The following EIPR1 variants were observed in gnomAD, a reference collection of about 807,000 sequenced individuals.
EIPR1 encodes EARP complex and GARP complex interacting protein 1.
In EIPR1, 25 loss-of-function variants were observed where a neutral mutation model predicts 48.1. The observed-to-expected ratio is 0.52, with a 90% CI of 0.38 to 0.73. The LOEUF is 0.73. EIPR1 is among the 30% of genes least tolerant of loss of function. The pLI, the probability that EIPR1 is intolerant of heterozygous loss-of-function variation, is 0.00. For synonymous variants in EIPR1, 204 were observed against 201.9 expected (o/e 1.01, Z -0.09); for missense variants, 415 against 506.2 (o/e 0.82, Z 1.73).
intron 3 of EIPR1, among the ~76,000 whole-genome samples, chr2:3,292,518 C>T (rs1273905915): frequency 6.6e-6 from 1 of 152,242 alleles, no homozygotes; most frequent in Non-Finnish European, 1.5e-5. Context: ...AGTACCTCTC[C>T]TTAATCCCCA....
intron 1 of EIPR1, among the ~76,000 whole-genome samples, chr2:3,361,260 G>A (rs368278233): frequency 6.6e-6 from 1 of 152,092 alleles, no homozygotes; most frequent in South Asian, 2.1e-4. Context: ...CCTCCATTTT[G>A]TATTGCCTGG....
chr2:3,283,578 G>A (rs1256975788), intron 3 of EIPR1, among the ~76,000 whole-genome samples: 1 of 152,326 alleles, frequency 6.6e-6, no homozygotes, highest in Admixed American at 6.5e-5. Flanking sequence ...CCTTCCCCCA[G>A]CTGCAAAGGA....
intron 4 of EIPR1, among the ~76,000 whole-genome samples, chr2:3,237,776 G>A (rs765391096): frequency 1.3e-5 from 2 of 152,182 alleles, no homozygotes; most frequent in African/African-American, 4.8e-5. Flanking sequence ...TTCCGCTTCC[G>A]TCCAGCGGGG....
At chr2:3,282,831 A>G (rs1379724116) in intron 3 of EIPR1, 1 of 152,244 alleles carries the variant, frequency 6.6e-6, no homozygotes, top group Non-Finnish European at 1.5e-5. Flanking sequence ...CCCACTGACA[A>G]ACGGGCTTGG....
At chr2:3,220,706 AG>A (rs1295102226) in intron 4 of EIPR1, among the ~76,000 whole-genome samples, 1 of 151,458 alleles carries the variant, frequency 6.6e-6, no homozygotes, top group Non-Finnish European at 1.5e-5. Context: ...ACAATGGCCG[AG>A]GTACACTCTA....
chr2:3,239,635 C>A (rs945688557), intron 4 of EIPR1, among the ~76,000 whole-genome samples: 1 of 151,842 alleles, frequency 6.6e-6, no homozygotes, highest in Non-Finnish European at 1.5e-5. Context: ...CTCATTAACC[C>A]CCTTTCCACA....
At chr2:3,254,232 G>A (rs1417944904) in intron 4 of EIPR1, among the ~76,000 whole-genome samples, 1 of 152,126 alleles carries the variant, frequency 6.6e-6, no homozygotes, top group Non-Finnish European at 1.5e-5. Flanking sequence ...AAAAGAACAC[G>A]CATGATGACA....
At chr2:3,287,345 GCGCTCCAGAAAGCTCGTTCACTA>G (rs1668224548) in intron 3 of EIPR1, among the ~76,000 whole-genome samples, 43 of 90,722 alleles carry the variant, frequency 4.7e-4, no homozygotes, top group African/African-American at 1.8e-3. Context: ...CTCGTTCACT[GCGCTCCAGAAAGCTCGTTCACTA>G]CGCTCCAGAA....
chr2:3,208,460 C>A, intron 5 of EIPR1: 1 of 1,496,160 alleles, frequency 6.7e-7, no homozygotes, highest in Non-Finnish European at 8.9e-7. Context: ...GTTAGCTTTC[C>A]TCTTCTCATC....
Position 3,192,511 on chromosome 2 carries a change from T to A in EIPR1, c.892A>T (p.Ile298Phe), listed in dbSNP as rs1165845687. The A allele has an allele frequency of 6.2e-7, 1 of 1,613,102 alleles. No homozygotes were observed. Among genetic ancestry groups the A allele is most frequent in the Admixed American group, 1.7e-5 (1 of 59,976 alleles). ...VLTGSSDSRV[I>F]LSNMVSISSE... ...GAGATGGACACCATGTTGGAAAGGA[T>A]GACTCTGCTGTCACTGCTGCCCGTG... Residue 298 changes from isoleucine to phenylalanine, a missense_variant, in exon 8 of 9, where the codon ATC becomes TTC. Physicochemically the swap from Ile to Phe is conservative, Grantham distance 21 (BLOSUM62 0). Coordinates refer to ENST00000382125, the MANE Select transcript of EIPR1 (RefSeq NM_003310.5).
In EIPR1 at chr2:3,364,381, G is replaced by A. The variant is rs192338740; in HGVS notation, c.43-9748C>T. Among the ~76,000 whole-genome samples the A allele has an allele frequency of 1.8e-3, 281 of 152,160 alleles. 12 individuals are homozygous for A. The South Asian group carries it at 0.048, about 26-fold the overall frequency. On this transcript the variant is annotated intron_variant, in intron 1 of 8. Transcript: ENST00000382125. ...ACAGTGGCTCATGCCTATAATCCCC[G>A]CACTTTGGGAAGCCAAGGCAGGAGG... is the stretch of plus-strand genomic sequence containing the variant.
intron 5 of EIPR1, among the ~76,000 whole-genome samples, chr2:3,205,761 C>T (rs1665211679): frequency 6.6e-6 from 1 of 152,166 alleles, no homozygotes; most frequent in African/African-American, 2.4e-5. Flanking sequence ...CCGAGTAAGC[C>T]ATCATTGGCA....
intron 4 of EIPR1, among the ~76,000 whole-genome samples, chr2:3,218,245 T>C (rs11688438): frequency 0.93 from 132,233 of 142,768 alleles, 61,311 homozygotes; most frequent in East Asian, 0.98. Flanking sequence ...GACCCTGATA[T>C]GCTCTAGAGC....
At chr2:3,278,382 G>T (rs1207810262) in intron 3 of EIPR1, among the ~76,000 whole-genome samples, 1 of 152,148 alleles carries the variant, frequency 6.6e-6, no homozygotes, top group African/African-American at 2.4e-5. Flanking sequence ...CCACTTCTCT[G>T]CAGGAGCCAG....
intron 4 of EIPR1, among the ~76,000 whole-genome samples, chr2:3,228,469 G>A (rs1666134578): frequency 6.6e-6 from 1 of 152,232 alleles, no homozygotes; most frequent in Non-Finnish European, 1.5e-5. Flanking sequence ...AGGCAGAAGG[G>A]ACTTGCCTTG....
chr2:3,301,557 T>C lies in EIPR1; in HGVS notation c.259+36460A>G, dbSNP rs183506010. 11 of 152,378 alleles carry C rather than the reference T, an allele frequency of 7.2e-5. No individual in the cohort carries two copies. The East Asian group carries it at 1.7e-3, about 24-fold the overall frequency. The allele number at this position is 152,378 out of a possible 1,614,324, so 9.4% of individuals were successfully genotyped here. On this transcript the variant is annotated intron_variant, in intron 3 of 8. Transcript: ENST00000382125. ...TCTTCCAAGTGGGCCAGGCTCATTA[T>C]TGAGTAATTAGTTCTTACTCAGGTA...
At chr2:3,337,672 A>C (rs1316397438) in intron 3 of EIPR1, among the ~76,000 whole-genome samples, 1 of 152,116 alleles carries the variant, frequency 6.6e-6, no homozygotes, top group African/African-American at 2.4e-5. Context: ...AGTCACCAAG[A>C]CACTACAGGA....
chr2:3,313,702 C>T (rs959456939), intron 3 of EIPR1, among the ~76,000 whole-genome samples: 1 of 152,178 alleles, frequency 6.6e-6, no homozygotes, highest in Admixed American at 6.5e-5. Flanking sequence ...CTTTATCGCC[C>T]TAGCTTCTGA....
intron 1 of EIPR1, among the ~76,000 whole-genome samples, chr2:3,363,541 TAA>T (rs1329325344): frequency 2.6e-5 from 4 of 151,842 alleles, no homozygotes; most frequent in Non-Finnish European, 1.5e-5. Flanking sequence ...ACATAAAATA[TAA>T]AAGTCAGCCA....
Sources: allele counts gnomAD v4.1 joint callset (sites outside exome capture counted in the v4.1 genomes callset), GRCh38; gene constraint gnomAD v4.1.1; transcripts MANE v1.5; gene names NCBI Gene and HGNC (gene_info 2026-07-23, HGNC 2026-07-21).